The following TPST2 variants were observed in gnomAD, a reference collection of about 807,000 sequenced individuals.
TPST2 encodes the protein protein-tyrosine sulfotransferase 2.
A neutral mutation model predicts 27.8 loss-of-function variants in TPST2; 16 were observed. The observed-to-expected ratio is 0.58, with a 90% CI of 0.39 to 0.88. The LOEUF (loss-of-function observed/expected upper bound fraction) is 0.88. Ranked by LOEUF, TPST2 falls within the 40% of genes least tolerant of loss-of-function variation. TPST2 has a pLI of 0.00. For synonymous variants in TPST2, 229 were observed against 231.7 expected, an observed-to-expected ratio of 0.99 and a Z score of 0.10; for missense variants, 464 against 543.1, an observed-to-expected ratio of 0.85 and a Z score of 1.45.
intron 1 of TPST2, among the ~76,000 whole-genome samples, chr22:26,589,675 C>G (rs927437529): frequency 6.6e-6 from 1 of 152,196 alleles, no homozygotes; most frequent in African/African-American, 2.4e-5. Flanking sequence ...GGTCCCCGCG[C>G]GCCTGGGCGA....
In TPST2 at chr22:26,523,176, G is replaced by T. The variant is rs908735141; in HGVS notation, c.*3099C>A. The T allele has an allele frequency of 6.8e-6, 1 of 146,482 alleles. No homozygotes were observed. Among genetic ancestry groups the T allele is most frequent in the African/African-American group, 2.4e-5 (1 of 40,884 alleles). The allele number at this position is 146,482 out of a possible 1,614,324, so 9.1% of individuals were successfully genotyped here. On this transcript the variant is annotated 3_prime_UTR_variant, in exon 7 of 7. Transcript: ENST00000338754. The stretch of plus-strand genomic sequence containing the variant: ...TGCACTGCAGCCTGAGCAACCAAGC[G>T]GGACTCTGTCTCCAAAACAAACAAA...
At chr22:26,585,706 T>G (rs1272187872) in intron 1 of TPST2, among the ~76,000 whole-genome samples, 1 of 152,162 alleles carries the variant, frequency 6.6e-6, no homozygotes, top group Non-Finnish European at 1.5e-5. Context: ...GCTGTGAAGC[T>G]ACATCTGATC....
chr22:26,537,443 T>C (rs1925530917), intron 3 of TPST2, among the ~76,000 whole-genome samples: 1 of 152,256 alleles, frequency 6.6e-6, no homozygotes, highest in South Asian at 2.1e-4. Flanking sequence ...TAGAAGAGCG[T>C]AGGCACATTG....
In TPST2 at chr22:26,566,422, G is replaced by A. The variant is rs754275580; in HGVS notation, c.-160-21747C>T. Among the ~76,000 whole-genome samples the A allele has an allele frequency of 4.6e-5, 7 of 151,958 alleles. No homozygotes were observed. The South Asian group carries it at 8.3e-4, about 18-fold the overall frequency. On this transcript the variant is annotated intron_variant, in intron 1 of 6. Coordinates refer to ENST00000338754, the MANE Select transcript of TPST2 (RefSeq NM_003595.5). Reference sequence around the variant, plus strand: ...AAAAATCAGCCAGGCGTAGTGACACGCACCTGTAGTCCCAGCTACTCCCGG... The same window carrying A: ...AAAAATCAGCCAGGCGTAGTGACACACACCTGTAGTCCCAGCTACTCCCGG...
intron 1 of TPST2, among the ~76,000 whole-genome samples, chr22:26,559,875 G>A (rs867294674): frequency 2.0e-5 from 3 of 152,170 alleles, no homozygotes; most frequent in Non-Finnish European, 4.4e-5. Flanking sequence ...GGGGCTGCCA[G>A]AAACCTCCTA....
intron 1 of TPST2, among the ~76,000 whole-genome samples, chr22:26,581,129 A>C (rs1424667391): frequency 6.6e-6 from 1 of 151,902 alleles, no homozygotes; most frequent in African/African-American, 2.4e-5. Context: ...TCACACCTCC[A>C]AACTTTTGCA....
At chr22:26,534,153 C>T (rs1925324177) in intron 4 of TPST2, among the ~76,000 whole-genome samples, 1 of 152,076 alleles carries the variant, frequency 6.6e-6, no homozygotes, top group Admixed American at 6.6e-5. Flanking sequence ...TAGTGGCTAC[C>T]GTATGGGACA....
rs552413058 is a variant in TPST2 at position 26,586,045 on chromosome 22, AAAT to A, written c.-161+4005_-161+4007del. Among the ~76,000 whole-genome samples the A allele has an allele frequency of 2.1e-3, 313 of 151,950 alleles. 1 individual carries two copies. Among genetic ancestry groups the A allele is most frequent in the African/African-American group, 6.8e-3 (280 of 41,428 alleles). ...ACAACACAGCGAAACTCCGTCTCAA[AAAT>A]AATAATAATAATAATCATAATAATA... On this transcript the variant is annotated intron_variant, in intron 1 of 6. Transcript: ENST00000338754.
chr22:26,569,002 T>TC (rs1179867442), intron 1 of TPST2, among the ~76,000 whole-genome samples: 2 of 151,868 alleles, frequency 1.3e-5, no homozygotes, highest in Non-Finnish European at 2.9e-5. Flanking sequence ...TAGCTGGGAC[T>TC]ACAGGCGCCC....
intron 1 of TPST2, among the ~76,000 whole-genome samples, chr22:26,554,347 C>T (rs1277233567): frequency 2.6e-5 from 4 of 152,166 alleles, no homozygotes; most frequent in Non-Finnish European, 4.4e-5. Context: ...GACTTCCTGC[C>T]CAGAAACACA....
intron 1 of TPST2, among the ~76,000 whole-genome samples, chr22:26,562,302 G>A (rs1927144092): frequency 6.6e-6 from 1 of 152,208 alleles, no homozygotes; most frequent in African/African-American, 2.4e-5. Context: ...GGCTGCTGGA[G>A]AGATGCAACA....
At chr22:26,556,518 C>G (rs371689814) in intron 1 of TPST2, among the ~76,000 whole-genome samples, 1 of 152,036 alleles carries the variant, frequency 6.6e-6, no homozygotes, top group African/African-American at 2.4e-5. Flanking sequence ...CTAGCCTGGG[C>G]GACAAGAGCG....
intron 1 of TPST2, among the ~76,000 whole-genome samples, chr22:26,584,384 G>A (rs993349633): frequency 1.3e-5 from 2 of 152,186 alleles, no homozygotes; most frequent in African/African-American, 4.8e-5. Context: ...GTGGACAGAG[G>A]GATGGAGAGC....
intron 1 of TPST2, among the ~76,000 whole-genome samples, chr22:26,571,097 C>G (rs1927607224): frequency 6.6e-6 from 1 of 152,216 alleles, no homozygotes; most frequent in Admixed American, 6.5e-5. Context: ...ATGGCTCCCA[C>G]TTTACTCAGG....
At chr22:26,560,767 C>T in intron 1 of TPST2, 2 of 1,220,306 alleles carry the variant, frequency 1.6e-6, no homozygotes, top group Non-Finnish European at 2.4e-6. Flanking sequence ...TATATCCCTC[C>T]CAAAGGGGAG....
Position 26,525,761 on chromosome 22 carries a change from G to T in TPST2, c.*514C>A, listed in dbSNP as rs1602243990. 1 of 152,430 alleles carries T rather than the reference G, an allele frequency of 6.6e-6. No individual in the cohort carries two copies. Among genetic ancestry groups the T allele is most frequent in the African/African-American group, 2.4e-5 (1 of 41,398 alleles). 9.4% of individuals were successfully genotyped at this position (152,430 alleles called of 1,614,324 possible). A position where few individuals can be genotyped will look rare whatever the true frequency, so the allele number is the denominator to read the frequency against. On this transcript the variant is annotated 3_prime_UTR_variant, in exon 7 of 7. Coordinates refer to ENST00000338754, the MANE Select transcript of TPST2 (RefSeq NM_003595.5). ...AAACCCTATTCATTCAGTAAAGTAA[G>T]GCACAAACAAATGAGCCTCTGTTCA...
intron 1 of TPST2, among the ~76,000 whole-genome samples, chr22:26,556,359 T>C (rs980202030): frequency 2.0e-5 from 3 of 152,058 alleles, no homozygotes; most frequent in Non-Finnish European, 4.4e-5. Flanking sequence ...GCCAACATGG[T>C]GAAACCCCGT....
intron 1 of TPST2, among the ~76,000 whole-genome samples, chr22:26,574,112 AAAG>A (rs1456201916): frequency 6.6e-6 from 1 of 152,074 alleles, no homozygotes; most frequent in Non-Finnish European, 1.5e-5. Flanking sequence ...GGTTTTATGG[AAAG>A]TATTTCCATC....
intron 5 of TPST2, among the ~76,000 whole-genome samples, chr22:26,531,623 C>T (rs1201977201): frequency 6.6e-6 from 1 of 152,126 alleles, no homozygotes; most frequent in Non-Finnish European, 1.5e-5. Context: ...GGGTGCTTTC[C>T]AATATCAGTG....
Sources: gnomAD v4.1 joint callset for allele counts (sites outside exome capture counted in the v4.1 genomes callset) on GRCh38, gnomAD v4.1.1 for gene constraint, MANE v1.5 for transcripts, NCBI Gene and HGNC (gene_info 2026-07-23, HGNC 2026-07-21) for gene names.